The following MALRD1 variants were observed in gnomAD, a reference collection of about 807,000 sequenced individuals.
MALRD1 encodes MAM and LDL receptor class A domain containing 1, also known as MAM and LDL-receptor class A domain-containing protein 1.
In MALRD1, 247 loss-of-function variants were observed where a neutral mutation model predicts 242.1. That is an observed-to-expected ratio of 1.02 (90% CI 0.92 to 1.13). The LOEUF (loss-of-function observed/expected upper bound fraction) is 1.13. Ranked by LOEUF, MALRD1 falls within the 50% of genes most tolerant of loss-of-function variation. The pLI is 0.00. For missense variants in MALRD1, 2,989 were observed against 2,533.1 expected (o/e 1.18, Z -3.86); for synonymous variants, 995 against 866.6 (o/e 1.15, Z -2.60).
chr10:19,316,371 A>G (rs1564556084), intron 21 of MALRD1, among the ~76,000 whole-genome samples: 1 of 151,946 alleles, frequency 6.6e-6, no homozygotes, highest in Non-Finnish European at 1.5e-5. Context: ...GGAATACTGC[A>G]GCAGAGTGGA....
At chr10:19,251,830 C>A (rs1020084529) in intron 18 of MALRD1, among the ~76,000 whole-genome samples, 1 of 151,864 alleles carries the variant, frequency 6.6e-6, no homozygotes, top group African/African-American at 2.4e-5. Context: ...ATCATAGGGG[C>A]GAATTTCCCC....
chr10:19,700,335 A>C (rs557566903), intron 38 of MALRD1, among the ~76,000 whole-genome samples: 1 of 152,064 alleles, frequency 6.6e-6, no homozygotes, highest in African/African-American at 2.4e-5. Context: ...CAAATCTGCA[A>C]CCTGCCATGA....
chr10:19,326,756 T>A lies in MALRD1; in HGVS notation c.3577-807T>A, dbSNP rs567837129. Among the ~76,000 whole-genome samples the A allele has an allele frequency of 3.9e-5, 6 of 152,270 alleles. No homozygotes were observed. In the South Asian group the frequency reaches 1.0e-3, roughly 26 times the overall value. ...ATAATGTAATCATTAAAATTCATCT[T>A]CACTTTTAAAAGTCAGGACTTTCAC... On this transcript the variant is annotated intron_variant, in intron 22 of 39. Transcript: ENST00000454679.
chr10:19,588,063 C>T (rs1589274246), intron 33 of MALRD1, among the ~76,000 whole-genome samples: 1 of 151,932 alleles, frequency 6.6e-6, no homozygotes. Flanking sequence ...ACTTCTGAAG[C>T]AATTGGTAAA....
chr10:19,142,020 A>G (rs1340799878), intron 10 of MALRD1, among the ~76,000 whole-genome samples: 1 of 151,886 alleles, frequency 6.6e-6, no homozygotes, highest in Non-Finnish European at 1.5e-5. Flanking sequence ...AAAATATAAA[A>G]AATTAGCCGG....
At chr10:19,088,220 A>AG (rs1838324021) in intron 4 of MALRD1, 35 bp downstream of exon 4, 1 of 1,229,996 alleles carries the variant, frequency 8.1e-7, no homozygotes, top group Admixed American at 4.2e-5. Flanking sequence ...ATGGCCTTGA[A>AG]GAAAAATAAG....
At chr10:19,175,391 A>C in intron 14 of MALRD1, 63 bp downstream of exon 14, 1 of 1,185,210 alleles carries the variant, frequency 8.4e-7, no homozygotes, top group Non-Finnish European at 1.0e-6. Context: ...TCAGTATCAA[A>C]ATATAAAATG....
chr10:19,146,950 C>A (rs1241738223), intron 11 of MALRD1, among the ~76,000 whole-genome samples: 1 of 152,000 alleles, frequency 6.6e-6, no homozygotes, highest in African/African-American at 2.4e-5. Context: ...TCTCTTTTTT[C>A]TTTTGTTTTG....
chr10:19,467,216 G>T (rs1166535028), intron 29 of MALRD1, among the ~76,000 whole-genome samples: 1 of 56,288 alleles, frequency 1.8e-5, no homozygotes, highest in Non-Finnish European at 3.7e-5. Flanking sequence ...TTAGCCGGGT[G>T]TGGTGGTGGG....
At chr10:19,413,598 A>G (rs145994346) in intron 28 of MALRD1, among the ~76,000 whole-genome samples, 3 of 151,516 alleles carry the variant, frequency 2.0e-5, no homozygotes, top group Non-Finnish European at 2.9e-5. Flanking sequence ...TTAATTTATT[A>G]CCTCCCAATC....
chr10:19,088,675 C>T (rs1175358825), intron 4 of MALRD1, among the ~76,000 whole-genome samples: 35 of 105,156 alleles, frequency 3.3e-4, no homozygotes, highest in African/African-American at 1.3e-3. Flanking sequence ...CATGCTGGTG[C>T]GCTGCACCCA....
rs1187346459 is a variant in MALRD1, at chr10:19,720,019, C to T, written c.6315-10687C>T. 2.0e-5 allele frequency among the ~76,000 whole-genome samples: 3 copies of T among 152,216 alleles called. No individual in the cohort carries two copies. In the East Asian group the frequency reaches 5.8e-4, roughly 29 times the overall value. On this transcript the variant is annotated intron_variant, in intron 38 of 39. Coordinates refer to ENST00000454679, the MANE Select transcript of MALRD1 (RefSeq NM_001142308.3). Reference sequence around the variant, plus strand: ...ACTTCATAGACTCAACTTATTTCTTCTATTACCTTATGACTCTGTGCAATT... The same window carrying T: ...ACTTCATAGACTCAACTTATTTCTTTTATTACCTTATGACTCTGTGCAATT...
intron 5 of MALRD1, among the ~76,000 whole-genome samples, chr10:19,119,533 C>G (rs1836989457): frequency 6.6e-6 from 1 of 152,106 alleles, no homozygotes; most frequent in African/African-American, 2.4e-5. Context: ...GAGCTGTCTT[C>G]TTGTGCTCAG....
intron 34 of MALRD1, among the ~76,000 whole-genome samples, chr10:19,599,497 A>T (rs1838254904): frequency 6.6e-6 from 1 of 152,178 alleles, no homozygotes; most frequent in Non-Finnish European, 1.5e-5. Context: ...TATATGGAAG[A>T]ACAGCACAAA....
chr10:19,668,759 C>T (rs888616307), intron 36 of MALRD1, among the ~76,000 whole-genome samples: 1 of 151,888 alleles, frequency 6.6e-6, no homozygotes, highest in Non-Finnish European at 1.5e-5. Flanking sequence ...AATATAAATT[C>T]AACCCCTTCT....
intron 29 of MALRD1, among the ~76,000 whole-genome samples, chr10:19,456,134 A>G (rs141410695): frequency 6.6e-6 from 1 of 152,178 alleles, no homozygotes; most frequent in Non-Finnish European, 1.5e-5. Flanking sequence ...GAATGTTTCC[A>G]GAATCTTTTG....
intron 19 of MALRD1, among the ~76,000 whole-genome samples, chr10:19,262,190 T>A (rs992566129): frequency 6.6e-6 from 1 of 152,180 alleles, no homozygotes; most frequent in Admixed American, 6.5e-5. Flanking sequence ...ATATTGTTAA[T>A]TTATTTTTCC....
chr10:19,287,674 A>AT (rs1337168237), intron 21 of MALRD1, among the ~76,000 whole-genome samples: 2 of 152,030 alleles, frequency 1.3e-5, no homozygotes, highest in Non-Finnish European at 1.5e-5. Context: ...GGGATATTTG[A>AT]TTTTTCATAT....
At chr10:19,450,756 G>T (rs7100787) in intron 29 of MALRD1, among the ~76,000 whole-genome samples, 11,212 of 152,196 alleles carry the variant, frequency 0.074, 1,139 homozygotes, top group African/African-American at 0.23. Flanking sequence ...TCTGGAGGCT[G>T]GGAAGTCCAA....
Sources: allele counts gnomAD v4.1 joint callset (sites outside exome capture counted in the v4.1 genomes callset), GRCh38; gene constraint gnomAD v4.1.1; transcripts MANE v1.5; gene names NCBI Gene and HGNC (gene_info 2026-07-23, HGNC 2026-07-21).